Variants in CACNA1E observed in about 807,000 individuals in gnomAD.
The protein encoded by CACNA1E is voltage-dependent R-type calcium channel subunit alpha-1E.
CACNA1E carries 40 observed loss-of-function variants against 259.2 expected under a neutral mutation model. The observed-to-expected ratio is 0.15, with a 90% CI of 0.12 to 0.20. The LOEUF (loss-of-function observed/expected upper bound fraction) is 0.20, where lower values mean the gene tolerates loss of function less well. Ranked by LOEUF, CACNA1E falls within the 10% of genes least tolerant of loss-of-function variation. CACNA1E has a pLI of 1.00. For missense variants in CACNA1E, 1,874 were observed against 3,040.1 expected (o/e 0.62, Z 9.02); for synonymous variants, 1,104 against 1,138.5 (o/e 0.97, Z 0.61).
chr1:181,781,312 G>T, intron 38 of CACNA1E, 115 bp from the exon 39 acceptor site: 3 of 653,874 alleles, frequency 4.6e-6, no homozygotes, highest in Non-Finnish European at 8.5e-6. Flanking sequence ...CTCTGGGAAT[G>T]CCTATTCTCC....
intron 28 of CACNA1E, 24 bp downstream of exon 28, chr1:181,755,421 C>G (rs1408555661): frequency 6.2e-7 from 1 of 1,603,710 alleles, no homozygotes; most frequent in South Asian, 1.1e-5. Flanking sequence ...GCGCATTCCA[C>G]TTGATTTTGC....
chr1:181,772,496 G>T (rs1179661428), intron 37 of CACNA1E, among the ~76,000 whole-genome samples: 8 of 152,108 alleles, frequency 5.3e-5, no homozygotes, highest in Non-Finnish European at 1.0e-4. Flanking sequence ...AGTCTTTGTT[G>T]GTTCTAGGGA....
intron 6 of CACNA1E, 42 bp from the exon 7 acceptor site, chr1:181,651,296 A>G (rs770817679): frequency 1.2e-5 from 15 of 1,268,606 alleles, no homozygotes; most frequent in Non-Finnish European, 1.6e-5. Flanking sequence ...TACTTATGGA[A>G]GATGGCTTTA....
At chr1:181,733,887 TTTCTCCCAGTG>T in intron 21 of CACNA1E, 137 bp downstream of exon 21, 1 of 610,454 alleles carries the variant, frequency 1.6e-6, no homozygotes, top group Non-Finnish European at 2.6e-6. Flanking sequence ...GAGTGGCGGT[TTTCTCCCAGTG>T]TGCAGAACAA....
At chr1:181,440,283 A>G (rs1660374428) in intron 2 of CACNA1E, among the ~76,000 whole-genome samples, 1 of 152,220 alleles carries the variant, frequency 6.6e-6, no homozygotes, top group South Asian at 2.1e-4. Context: ...CCTGGGAGTA[A>G]AACCTTACAT....
At position 181,732,817 on chromosome 1, in the gene CACNA1E, C is replaced by A. The variant is rs370013304; in HGVS notation, c.2731C>A (p.Arg911=). 3.7e-6 allele frequency: 6 copies of A among 1,609,816 alleles called. No individual in the cohort carries two copies. The highest frequency in any genetic ancestry group is 5.1e-6 in the Non-Finnish European group (6 of 1,177,738). Reference sequence around the variant, plus strand: ...AGAGGCTGTGGTGACCTTTGAGGACCGGGCCAGGCACAGGCAGAGCCAACG... The same window carrying A: ...AGAGGCTGTGGTGACCTTTGAGGACAGGGCCAGGCACAGGCAGAGCCAACG... ...GGEAVVTFED[R]ARHRQSQRRS... The change falls in exon 20 of 48, where the codon CGG becomes AGG. Residue 911 remains arginine (R), a synonymous_variant. Coordinates refer to ENST00000367573, the MANE Select transcript of CACNA1E (RefSeq NM_001205293.3). The surrounding 1 kb of genome is among the most constrained non-coding windows in gnomAD (Gnocchi z 5.5).
chr1:181,719,169 A>G (rs1363809221), intron 12 of CACNA1E, among the ~76,000 whole-genome samples: 2 of 152,232 alleles, frequency 1.3e-5, no homozygotes, highest in Admixed American at 6.5e-5. Context: ...CTCCTAGCAC[A>G]ATATCTAGAA....
At chr1:181,781,565 G>A (rs1467127305) in intron 39 of CACNA1E, 42 bp downstream of exon 39, 1 of 1,015,708 alleles carries the variant, frequency 9.8e-7, no homozygotes, top group Non-Finnish European at 1.5e-6. Context: ...AGACCAACAG[G>A]AAATGGGATC....
chr1:181,444,665 G>A (rs1368236794), intron 2 of CACNA1E, among the ~76,000 whole-genome samples: 1 of 152,150 alleles, frequency 6.6e-6, no homozygotes, highest in Non-Finnish European at 1.5e-5. Context: ...CTATCTACTT[G>A]GGACCCTGCC....
rs1658694282 is a variant in CACNA1E at position 181,762,732 on chromosome 1, G to A, written c.4689+75G>A. Reference sequence around the variant, plus strand: ...TTTTTAAAACTCCTCTGTATATTCAGTCCATTTTTAACCCACCAAAGCAAA... The same window carrying A: ...TTTTTAAAACTCCTCTGTATATTCAATCCATTTTTAACCCACCAAAGCAAA... On this transcript the variant is annotated intron_variant, in intron 33 of 47. Coordinates refer to ENST00000367573, the MANE Select transcript of CACNA1E (RefSeq NM_001205293.3). 23 of 856,884 alleles carry A rather than the reference G, an allele frequency of 2.7e-5. No individual in the cohort carries two copies. In the South Asian group the frequency reaches 3.2e-4, roughly 12 times the overall value. 53.1% of individuals were successfully genotyped at this position (856,884 alleles called of 1,614,324 possible).
intron 21 of CACNA1E, among the ~76,000 whole-genome samples, chr1:181,734,465 C>T (rs960489852): frequency 2.0e-5 from 3 of 150,906 alleles, no homozygotes; most frequent in Non-Finnish European, 1.5e-5. Flanking sequence ...TGACCCCATA[C>T]CCCATCCCTG....
intron 25 of CACNA1E, 68 bp from the exon 26 acceptor site, chr1:181,750,408 C>A: frequency 1.4e-6 from 2 of 1,431,802 alleles, no homozygotes; most frequent in Non-Finnish European, 2.0e-6. Context: ...CTTCTCTCTA[C>A]CCCAACCCCA....
intron 7 of CACNA1E, among the ~76,000 whole-genome samples, chr1:181,656,072 A>G (rs1015855655): frequency 1.3e-5 from 2 of 152,378 alleles, no homozygotes; most frequent in South Asian, 4.1e-4. Flanking sequence ...ACAGTAGAAC[A>G]TATACAATTA....
intron 5 of CACNA1E, 143 bp from the exon 6 acceptor site, chr1:181,580,452 G>A (rs1435239910): frequency 5.4e-6 from 4 of 738,916 alleles, no homozygotes; most frequent in South Asian, 1.6e-5. Context: ...GAGAGGCCAG[G>A]GAGGAGAGGG....
chr1:181,741,746 C>A (rs1419590369), intron 25 of CACNA1E, among the ~76,000 whole-genome samples: 5 of 152,150 alleles, frequency 3.3e-5, no homozygotes, highest in African/African-American at 1.2e-4. Context: ...TTTCTTTGTG[C>A]CCTTTGAAAC....
intron 1 of CACNA1E, among the ~76,000 whole-genome samples, chr1:181,501,922 A>C (rs1245810457): frequency 1.3e-5 from 2 of 152,228 alleles, no homozygotes; most frequent in African/African-American, 4.8e-5. Context: ...TTTTAAAAAA[A>C]GAAAAGGGGT....
At chr1:181,326,060 A>C (rs1650764087) in intron 1 of CACNA1E, among the ~76,000 whole-genome samples, 1 of 152,182 alleles carries the variant, frequency 6.6e-6, no homozygotes, top group Non-Finnish European at 1.5e-5. Flanking sequence ...GGATTTGTCC[A>C]CACCCAGGCC....
chr1:181,444,758 C>A (rs554639836), intron 2 of CACNA1E, among the ~76,000 whole-genome samples: 146 of 152,240 alleles, frequency 9.6e-4, no homozygotes, highest in Non-Finnish European at 1.2e-3. Flanking sequence ...AGGCCAGCAC[C>A]AGCTGGGGAG....
At chr1:181,410,609 AT>A (rs924897784) in intron 1 of CACNA1E, among the ~76,000 whole-genome samples, 6 of 152,108 alleles carry the variant, frequency 3.9e-5, no homozygotes, top group Non-Finnish European at 8.8e-5. Context: ...TCTATTTATT[AT>A]CTTAGCATAA....
Sources: gnomAD v4.1 joint callset for allele counts (sites outside exome capture counted in the v4.1 genomes callset) on GRCh38, gnomAD v4.1.1 for gene constraint, Gnocchi (gnomAD v3.1) non-coding constraint, MANE v1.5 for transcripts, NCBI Gene and HGNC (gene_info 2026-07-23, HGNC 2026-07-21) for gene names.